Variants in MMP15 observed in about 807,000 individuals in gnomAD.
MMP15 encodes matrix metalloproteinase-15.
In MMP15, 36 loss-of-function variants were observed where a neutral mutation model predicts 65.0. The observed-to-expected ratio is 0.55, with a 90% confidence interval of 0.42 to 0.73. The LOEUF (loss-of-function observed/expected upper bound fraction) is 0.73. MMP15 is among the 30% of genes least tolerant of loss of function. The probability of loss-of-function intolerance (pLI) is 0.00; values close to 1 mark genes in which losing one functional copy is unlikely to be tolerated. For missense variants in MMP15, 870 were observed against 987.8 expected (o/e 0.88, Z 1.60); for synonymous variants, 428 against 410.2 (o/e 1.04, Z -0.52).
At chr16:58,039,530 C>G (rs1427938624) in intron 3 of MMP15, among the ~76,000 whole-genome samples, 1 of 152,232 alleles carries the variant, frequency 6.6e-6, no homozygotes, top group East Asian at 1.9e-4. Flanking sequence ...TCTGCCTGAC[C>G]CTGGAGCTCA....
chr16:58,042,137 C>T, intron 6 of MMP15, 94 bp from the exon 7 acceptor site: 2 of 1,485,088 alleles, frequency 1.3e-6, no homozygotes, highest in South Asian at 1.3e-5. Flanking sequence ...CCCCTTGGGC[C>T]CACCCTCACC....
Position 58,045,075 on chromosome 16 carries a change from G to C in MMP15, c.1639G>C (p.Gly547Arg). 6.2e-7 allele frequency: 1 copy of C among 1,613,136 alleles called. No homozygotes were observed. Residue 547 changes from glycine to arginine, a missense_variant, in exon 10 of 10, where the codon GGC (glycine) becomes CGC (arginine). Physicochemically the swap from Gly to Arg is moderately radical, Grantham distance 125. Transcript: ENST00000219271. ...CAATGAGCGCCTGCGGATGGAGCCC[G>C]GCTACCCCAAGTCCATCCTGCGGGA... ...FDNERLRMEP[G>R]YPKSILRDFM...
At chr16:58,030,234 A>G (rs1232601115) in intron 1 of MMP15, among the ~76,000 whole-genome samples, 1 of 152,106 alleles carries the variant, frequency 6.6e-6, no homozygotes, top group Non-Finnish European at 1.5e-5. Context: ...GGGTCCTGGG[A>G]GAAGCCCACC....
chr16:58,042,992 G>A (rs960077296), intron 7 of MMP15, among the ~76,000 whole-genome samples: 4 of 152,192 alleles, frequency 2.6e-5, no homozygotes, highest in African/African-American at 4.8e-5. Flanking sequence ...GGCATGTGGC[G>A]TGTATGGGTG....
chr16:58,028,013 C>T (rs1963846963), intron 1 of MMP15, among the ~76,000 whole-genome samples: 1 of 152,234 alleles, frequency 6.6e-6, no homozygotes, highest in Non-Finnish European at 1.5e-5. Context: ...TTTCAAGTCA[C>T]AGTCCCACCA....
Position 58,037,597 on chromosome 16 carries a change from T to A in MMP15, c.288T>A (p.Gly96=). ...MQRFYGIPVT[G]VLDEETKEWM... is the part of the protein sequence containing the mutation. The stretch of plus-strand genomic sequence containing the variant: ...GCTTCTACGGGATCCCAGTCACCGG[T>A]GTGCTCGACGAAGAGACCAAGGAGT... The change falls in exon 2 of 10, where the codon GGT becomes GGA. Residue 96 remains glycine, a synonymous_variant. Transcript: ENST00000219271. The A allele has an allele frequency of 6.2e-7, 1 of 1,614,136 alleles. No individual in the cohort carries two copies. Among genetic ancestry groups the A allele is most frequent in the Non-Finnish European group, 8.5e-7 (1 of 1,180,010 alleles).
Position 58,033,609 on chromosome 16 carries a change from C to T in MMP15, c.163-3863C>T, listed in dbSNP as rs561226389. Among the ~76,000 whole-genome samples the T allele has an allele frequency of 4.5e-4, 69 of 152,300 alleles. No homozygotes were observed. The South Asian group carries it at 0.014, about 32-fold the overall frequency. The stretch of plus-strand genomic sequence containing the variant: ...TACGAATGGGATGGGGTCTGGAAGT[C>T]AAGAAAGAAATTGGCCAGGCGTGGT... On this transcript the variant is annotated intron_variant, in intron 1 of 9. Coordinates refer to ENST00000219271, the MANE Select transcript of MMP15 (RefSeq NM_002428.4).
At position 58,045,198 on chromosome 16, in the gene MMP15, G is replaced by C; in HGVS notation, c.1762G>C (p.Asp588His). 1 of 1,593,900 alleles carries C rather than the reference G, an allele frequency of 6.3e-7. No individual in the cohort carries two copies. Among genetic ancestry groups the C allele is most frequent in the Non-Finnish European group, 8.5e-7 (1 of 1,171,006 alleles). ...CCACGGGGGTGCAGAGCCCGGGGCG[G>C]ACAGCGCAGAGGGCGACGTGGGGGA... ...NPHGGAEPGA[D>H]SAEGDVGDGD... is the part of the protein sequence containing the mutation. The change falls in exon 10 of 10, where the codon GAC becomes CAC. Residue 588 changes from aspartate to histidine, a missense_variant. Asp to His is a moderately conservative substitution (Grantham distance 81). Coordinates refer to ENST00000219271, the MANE Select transcript of MMP15 (RefSeq NM_002428.4).
At chr16:58,027,098 C>T (rs1351725355) in intron 1 of MMP15, among the ~76,000 whole-genome samples, 3 of 152,218 alleles carry the variant, frequency 2.0e-5, no homozygotes, top group Admixed American at 6.5e-5. Flanking sequence ...GGCGCTTTGG[C>T]GACTTTCTGC....
At chr16:58,034,325 C>A (rs935382260) in intron 1 of MMP15, among the ~76,000 whole-genome samples, 3 of 152,226 alleles carry the variant, frequency 2.0e-5, no homozygotes, top group Admixed American at 1.3e-4. Context: ...CCACGCTGCC[C>A]ACCTGCAGGC....
At chr16:58,029,013 CT>C (rs888586395) in intron 1 of MMP15, among the ~76,000 whole-genome samples, 26 of 152,228 alleles carry the variant, frequency 1.7e-4, no homozygotes, top group African/African-American at 6.0e-4. Flanking sequence ...CTGCCTCCCC[CT>C]ACCCCCTCCT....
intron 1 of MMP15, among the ~76,000 whole-genome samples, chr16:58,034,327 C>A (rs779900193): frequency 6.6e-6 from 1 of 152,222 alleles, no homozygotes; most frequent in African/African-American, 2.4e-5. Flanking sequence ...ACGCTGCCCA[C>A]CTGCAGGCAG....
intron 3 of MMP15, 36 bp from the exon 4 acceptor site, chr16:58,039,839 C>T (rs1959411011): frequency 2.6e-6 from 4 of 1,561,274 alleles, no homozygotes; most frequent in African/African-American, 2.7e-5. Context: ...GGCCCTTGGC[C>T]CTGCATCCGC....
chr16:58,039,794 G>T, intron 3 of MMP15, 81 bp from the exon 4 acceptor site: 1 of 1,404,740 alleles, frequency 7.1e-7, no homozygotes, highest in South Asian at 1.4e-5. Context: ...GTGACCTTGC[G>T]TGCACTCTTG....
In MMP15 at chr16:58,045,353, C is replaced by T. The variant is rs199965213; in HGVS notation, c.1917C>T (p.Val639=). 1.4e-5 allele frequency: 22 copies of T among 1,602,702 alleles called. No homozygotes were observed. The Admixed American group carries it at 2.4e-4, about 18-fold the overall frequency. The change falls in exon 10 of 10, where the codon GTC becomes GTT. Residue 639 remains valine (V), a synonymous_variant. Transcript: ENST00000219271. ...VLVPLLLLLC[V]LGLTYALVQM... The stretch of plus-strand genomic sequence containing the variant: ...TGCCACTGCTGCTGCTGCTCTGCGT[C>T]CTGGGCCTCACCTACGCGCTGGTGC...
chr16:58,039,662 T>G (rs1177197767), intron 3 of MMP15, among the ~76,000 whole-genome samples: 1 of 152,250 alleles, frequency 6.6e-6, no homozygotes, highest in Non-Finnish European at 1.5e-5. Context: ...TTACTTAAAA[T>G]CAGTTTATTT....
intron 1 of MMP15, among the ~76,000 whole-genome samples, 153 bp downstream of exon 1, chr16:58,026,665 C>T (rs1963820036): frequency 6.6e-6 from 1 of 152,230 alleles, no homozygotes; most frequent in Admixed American, 6.5e-5. Context: ...CAGTCTGCCC[C>T]TCCCCAGCTC....
Position 58,031,853 on chromosome 16 carries a change from C to CTTTTTTTTTTTTTTTTTT in MMP15, c.162+5355_162+5372dup, listed in dbSNP as rs749779284. Among the ~76,000 whole-genome samples, 2 of 57,710 alleles carry CTTTTTTTTTTTTTTTTTT rather than the reference C, an allele frequency of 3.5e-5. 1 individual carries two copies. Among genetic ancestry groups the CTTTTTTTTTTTTTTTTTT allele is most frequent in the Non-Finnish European group, 5.9e-5 (2 of 34,036 alleles). The allele number at this position is 57,710 out of a possible 152,430, so 37.9% of individuals were successfully genotyped here. Reference sequence around the variant, plus strand: ...CAAGGAGGACCTGGCTCGATGCCGCCTTTTTTTTTTTTTTTTTTTTTTTTT... The same window carrying CTTTTTTTTTTTTTTTTTT: ...CAAGGAGGACCTGGCTCGATGCCGCCTTTTTTTTTTTTTTTTTTTTTTTTTTTTTTTTTTTTTTTTTTT... On this transcript the variant is annotated intron_variant, in intron 1 of 9. Coordinates refer to ENST00000219271, the MANE Select transcript of MMP15 (RefSeq NM_002428.4).
At chr16:58,027,994 G>A (rs1284377890) in intron 1 of MMP15, among the ~76,000 whole-genome samples, 2 of 152,238 alleles carry the variant, frequency 1.3e-5, no homozygotes, top group Non-Finnish European at 2.9e-5. Flanking sequence ...GGGCTGGAGT[G>A]CCAAAGAATT....
Sources: allele counts gnomAD v4.1 joint callset (sites outside exome capture counted in the v4.1 genomes callset), GRCh38; gene constraint gnomAD v4.1.1; transcripts MANE v1.5; gene names NCBI Gene and HGNC (gene_info 2026-07-23, HGNC 2026-07-21).